The following IL3RA variants were observed in gnomAD, a reference collection of about 807,000 sequenced individuals.
IL3RA encodes the protein interleukin 3 receptor subunit alpha.
A neutral mutation model predicts 52.3 loss-of-function variants in IL3RA; 73 were observed. The observed-to-expected ratio is 1.40, with a 90% CI of 1.16 to 1.70. The LOEUF is 1.70. IL3RA is among the 40% of genes most tolerant of loss of function. The probability of loss-of-function intolerance (pLI) is 0.00; values close to 1 mark genes in which losing one functional copy is unlikely to be tolerated. For missense variants in IL3RA, 664 were observed against 504.4 expected, an observed-to-expected ratio of 1.32 and a Z score of -3.03; for synonymous variants, 260 against 194.0, an observed-to-expected ratio of 1.34 and a Z score of -2.83.
chrX:1,353,476 G>C (rs1362147698), intron 6 of IL3RA, among the ~76,000 whole-genome samples: 1 of 146,036 alleles, frequency 6.8e-6, no homozygotes, highest in South Asian at 2.2e-4. Flanking sequence ...CCCATCATGG[G>C]TTCCATCATG....
intron 8 of IL3RA, among the ~76,000 whole-genome samples, chrX:1,362,995 C>T (rs1292005941): frequency 5.3e-5 from 8 of 152,020 alleles, no homozygotes; most frequent in South Asian, 2.1e-4. Flanking sequence ...AGGTTGACCT[C>T]GAACTCCTGA....
At chrX:1,363,739 A>T (rs1351977307) in intron 8 of IL3RA, among the ~76,000 whole-genome samples, 2 of 151,738 alleles carry the variant, frequency 1.3e-5, no homozygotes, top group African/African-American at 4.8e-5. Flanking sequence ...TTTTAATTTC[A>T]GACAGGCTCT....
At chrX:1,379,953 T>C (rs1379990763) in intron 10 of IL3RA, among the ~76,000 whole-genome samples, 2 of 152,154 alleles carry the variant, frequency 1.3e-5, no homozygotes, top group African/African-American at 4.8e-5. Flanking sequence ...AGAGATGGGG[T>C]TTCTCCGTGT....
intron 9 of IL3RA, among the ~76,000 whole-genome samples, chrX:1,366,416 G>C (rs1165923136): frequency 2.7e-4 from 8 of 29,912 alleles, no homozygotes; most frequent in East Asian, 2.2e-3. Context: ...CGGGGTGAGC[G>C]GGGTGCGCGG....
chrX:1,380,680 G>A (rs181682846), intron 10 of IL3RA, among the ~76,000 whole-genome samples: 3 of 114,822 alleles, frequency 2.6e-5, no homozygotes, highest in South Asian at 4.0e-4. Context: ...AGGGGTGGAG[G>A]AGGGAGGAAA....
At chrX:1,344,143 C>A (rs1300371122) in intron 2 of IL3RA, among the ~76,000 whole-genome samples, 1 of 152,026 alleles carries the variant, frequency 6.6e-6, no homozygotes, top group Non-Finnish European at 1.5e-5. Flanking sequence ...ACATAGAACT[C>A]CACTTCCCAG....
intron 3 of IL3RA, among the ~76,000 whole-genome samples, chrX:1,347,318 C>T (rs1207784793): frequency 6.6e-6 from 1 of 151,076 alleles, no homozygotes; most frequent in Admixed American, 6.6e-5. Context: ...GTGGCTGGTG[C>T]CTGTAGTCCC....
chrX:1,353,954 C>CCCA (rs1307098635), intron 6 of IL3RA, among the ~76,000 whole-genome samples: 7 of 71,016 alleles, frequency 9.9e-5, no homozygotes, highest in African/African-American at 4.3e-4. Flanking sequence ...CCCCCCCCCC[C>CCCA]ATCATGGGTC....
At chrX:1,358,687 G>A (rs2086923919) in intron 7 of IL3RA, among the ~76,000 whole-genome samples, 174 bp from the exon 8 acceptor site, 1 of 151,920 alleles carries the variant, frequency 6.6e-6, no homozygotes, top group Admixed American at 6.6e-5. Context: ...AAACCTTTTG[G>A]TCAGGTGCTA....
intron 9 of IL3RA, among the ~76,000 whole-genome samples, chrX:1,367,743 CGCGGGGTGA>C (rs1319457881): frequency 2.3e-4 from 26 of 115,160 alleles, no homozygotes; most frequent in African/African-American, 7.3e-4. Flanking sequence ...GAGCGGGGTG[CGCGGGGTGA>C]GCGGGGTGCG....
At chrX:1,349,330 C>T (rs1264026843) in intron 4 of IL3RA, among the ~76,000 whole-genome samples, 1 of 151,712 alleles carries the variant, frequency 6.6e-6, no homozygotes, top group African/African-American at 2.4e-5. Flanking sequence ...TATAGGCGCC[C>T]ACCGCCACGC....
Position 1,382,302 on chromosome X carries a change from C to A in IL3RA, c.1063-89C>A. 4 of 590,774 alleles carry A rather than the reference C, an allele frequency of 6.8e-6. No homozygotes were observed. The South Asian group carries it at 9.3e-5, about 14-fold the overall frequency. The allele number at this position is 590,774 out of a possible 1,614,324, so 36.6% of individuals were successfully genotyped here. On this transcript the variant is annotated intron_variant, in intron 11 of 11. Coordinates refer to ENST00000331035, the MANE Select transcript of IL3RA (RefSeq NM_002183.4). ...ACCATGCCTGGCCCACAGAGCAGAT[C>A]TGAGATGGGACAGGCCCCCGCAGAT... is the stretch of plus-strand genomic sequence containing the variant.
At chrX:1,342,890 C>T (rs2085546262) in intron 2 of IL3RA, among the ~76,000 whole-genome samples, 1 of 151,126 alleles carries the variant, frequency 6.6e-6, no homozygotes, top group African/African-American at 2.4e-5. Flanking sequence ...GCCTGACTAA[C>T]ACGGTGAAAC....
At chrX:1,380,603 GAGGGGAGGAT>G (rs2089127395) in intron 10 of IL3RA, among the ~76,000 whole-genome samples, 1 of 22,530 alleles carries the variant, frequency 4.4e-5, no homozygotes, top group African/African-American at 3.3e-4. Context: ...GGGAGGAGGA[GAGGGGAGGAT>G]GAGTGGGGAG....
intron 9 of IL3RA, among the ~76,000 whole-genome samples, chrX:1,377,055 A>C (rs1356523148): frequency 6.8e-6 from 1 of 146,916 alleles, no homozygotes; most frequent in Non-Finnish European, 1.5e-5. Flanking sequence ...ATCTCATAAG[A>C]AGAGGAGATG....
At chrX:1,345,042 G>A (rs1413796791) in intron 2 of IL3RA, among the ~76,000 whole-genome samples, 20 of 148,618 alleles carry the variant, frequency 1.3e-4, no homozygotes, top group East Asian at 6.0e-4. Flanking sequence ...GGTGGCGGGC[G>A]CCTGTAGTCC....
intron 8 of IL3RA, among the ~76,000 whole-genome samples, chrX:1,363,119 C>T (rs1337642177): frequency 5.8e-5 from 8 of 137,636 alleles, no homozygotes; most frequent in Non-Finnish European, 1.2e-4. Context: ...GCATTTAGGG[C>T]CCCCCCTGAT....
rs749322934 is a variant in IL3RA, at chrX:1,344,687, C to T, written c.65-629C>T. Among the ~76,000 whole-genome samples, 195 of 150,000 alleles carry T rather than the reference C, an allele frequency of 1.3e-3. 1 individual carries two copies. Among genetic ancestry groups the T allele is most frequent in the Non-Finnish European group, 2.0e-3 (138 of 67,478 alleles). On this transcript the variant is annotated intron_variant, in intron 2 of 11. Coordinates refer to ENST00000331035, the MANE Select transcript of IL3RA (RefSeq NM_002183.4). ...ACTCGGGAGGCTGAGGCAGGAGAAT[C>T]GCTTGAACCCGGGAGGTAGAGGTTG...
chrX:1,343,100 T>A (rs2085560417), intron 2 of IL3RA, among the ~76,000 whole-genome samples: 1 of 151,794 alleles, frequency 6.6e-6, no homozygotes, highest in South Asian at 2.1e-4. Context: ...ATGAATGAAT[T>A]TCTTATAAGA....
Sources: allele counts gnomAD v4.1 joint callset (sites outside exome capture counted in the v4.1 genomes callset), GRCh38; gene constraint gnomAD v4.1.1; transcripts MANE v1.5; gene names NCBI Gene and HGNC (gene_info 2026-07-23, HGNC 2026-07-21).